Variants in HPGD observed in about 807,000 individuals in gnomAD.
The protein encoded by HPGD is 15-hydroxyprostaglandin dehydrogenase.
Under a neutral mutation model 30.0 loss-of-function variants are expected in HPGD, and 29 were observed. The observed-to-expected ratio is 0.97, with a 90% CI of 0.72 to 1.32. The LOEUF (loss-of-function observed/expected upper bound fraction) is 1.32. HPGD is among the 40% of genes most tolerant of loss of function. The pLI, the probability that HPGD is intolerant of heterozygous loss-of-function variation, is 0.00. For synonymous variants in HPGD, 99 were observed against 112.4 expected, an observed-to-expected ratio of 0.88 and a Z score of 0.75; for missense variants, 340 against 322.1, an observed-to-expected ratio of 1.06 and a Z score of -0.43.
chr4:174,513,459 TA>T (rs970827087), intron 3 of HPGD, among the ~76,000 whole-genome samples: 9 of 148,572 alleles, frequency 6.1e-5, no homozygotes, highest in African/African-American at 1.8e-4. Flanking sequence ...ATAAAATGCA[TA>T]TTTTTTTTTT....
At chr4:174,509,521 T>C (rs17294597) in intron 3 of HPGD, among the ~76,000 whole-genome samples, 6,529 of 152,260 alleles carry the variant, frequency 0.043, 210 homozygotes, top group Middle Eastern at 0.068. Flanking sequence ...CTGAGAAATT[T>C]TTTGTTGCTC....
In HPGD at chr4:174,522,032, T is replaced by C. The variant is rs1272831935; in HGVS notation, c.129A>G (p.Val43=). The change falls in exon 2 of 7, where the codon GTA becomes GTG. Residue 43 remains valine, a synonymous_variant. Coordinates refer to ENST00000296522, the MANE Select transcript of HPGD (RefSeq NM_000860.6). The part of the protein sequence containing the change: ...ALVDWNLEAG[V]QCKAALDEQF... ...GCTCATCCAGGGCAGCTTTACACTG[T>C]ACACCTGCTTCAAGATTCCAATCCA... The C allele has an allele frequency of 1.9e-6, 3 of 1,614,188 alleles. No homozygotes were observed. Among genetic ancestry groups the C allele is most frequent in the Non-Finnish European group, 2.5e-6 (3 of 1,180,006 alleles).
intron 3 of HPGD, among the ~76,000 whole-genome samples, chr4:174,510,418 C>A (rs1470465814): frequency 6.6e-6 from 1 of 152,192 alleles, no homozygotes; most frequent in African/African-American, 2.4e-5. Flanking sequence ...TTAGTTTCTG[C>A]AGAAGGCTTC....
At chr4:174,522,248 A>C in intron 1 of HPGD, 111 bp downstream of exon 1, 1 of 1,381,694 alleles carries the variant, frequency 7.2e-7, no homozygotes, top group Non-Finnish European at 1.0e-6. Context: ...GAAGTGGCAA[A>C]GTGGGCACGC....
chr4:174,515,451 G>A (rs940145594), intron 3 of HPGD, among the ~76,000 whole-genome samples: 1 of 152,066 alleles, frequency 6.6e-6, no homozygotes, highest in Non-Finnish European at 1.5e-5. Flanking sequence ...GGATAACCAG[G>A]TAGCCATATG....
intron 3 of HPGD, among the ~76,000 whole-genome samples, chr4:174,511,847 C>A (rs1735519238): frequency 6.6e-6 from 1 of 152,184 alleles, no homozygotes; most frequent in African/African-American, 2.4e-5. Context: ...GGGGTTTCAT[C>A]GTGTTAGCCA....
At chr4:174,521,389 T>G (rs925063454) in intron 2 of HPGD, among the ~76,000 whole-genome samples, 10 of 152,238 alleles carry the variant, frequency 6.6e-5, no homozygotes, top group African/African-American at 2.4e-4. Flanking sequence ...TCTAACATTG[T>G]ATACTTTATT....
intron 4 of HPGD, among the ~76,000 whole-genome samples, chr4:174,500,060 T>C (rs1038347045): frequency 9.2e-5 from 14 of 152,208 alleles, no homozygotes; most frequent in Non-Finnish European, 1.0e-4. Flanking sequence ...GGTTACTTCT[T>C]GTAATATTTC....
chr4:174,506,620 C>T (rs1735203836), intron 4 of HPGD: 1 of 152,158 alleles, frequency 6.6e-6, no homozygotes, highest in Admixed American at 6.5e-5. Flanking sequence ...ATAGAGTTTA[C>T]CTCACAGGGT....
At chr4:174,510,961 C>T (rs1041718259) in intron 3 of HPGD, among the ~76,000 whole-genome samples, 4 of 152,100 alleles carry the variant, frequency 2.6e-5, no homozygotes, top group African/African-American at 7.2e-5. Context: ...GATTTTGATG[C>T]TCTGGAAGGG....
chr4:174,514,460 C>T (rs1735665271), intron 3 of HPGD, among the ~76,000 whole-genome samples: 2 of 152,062 alleles, frequency 1.3e-5, no homozygotes, highest in Admixed American at 1.3e-4. Context: ...AAAATAGAAC[C>T]TTCCTTCTTA....
At chr4:174,502,906 G>A (rs1269123845) in intron 4 of HPGD, among the ~76,000 whole-genome samples, 1 of 152,102 alleles carries the variant, frequency 6.6e-6, no homozygotes, top group Non-Finnish European at 1.5e-5. Context: ...TTCTTAAAGT[G>A]TGGTTCAAGG....
chr4:174,500,439 A>G (rs1269553691), intron 4 of HPGD, among the ~76,000 whole-genome samples: 1 of 152,236 alleles, frequency 6.6e-6, no homozygotes, highest in Non-Finnish European at 1.5e-5. Flanking sequence ...TTGCACAAAA[A>G]TCTGTGTGTG....
chr4:174,507,680 T>G (rs1436107071), intron 4 of HPGD: 1 of 154,996 alleles, frequency 6.5e-6, no homozygotes, highest in Non-Finnish European at 1.4e-5. Context: ...CTTCTTAAAC[T>G]TCACAATTTC....
At chr4:174,514,124 T>A (rs547538062) in intron 3 of HPGD, among the ~76,000 whole-genome samples, 46 of 152,178 alleles carry the variant, frequency 3.0e-4, no homozygotes, top group African/African-American at 1.1e-3. Context: ...AATACTAAAT[T>A]AGGAATTAAA....
At chr4:174,497,883 CTCTCTCTCTCTT>C (rs1233540807) in intron 4 of HPGD, among the ~76,000 whole-genome samples, 1 of 144,316 alleles carries the variant, frequency 6.9e-6, no homozygotes, top group African/African-American at 2.6e-5. Context: ...GCCTCACTTT[CTCTCTCTCTCTT>C]TCTCTCTCTC....
rs1734280953 is a variant in HPGD at position 174,490,241 on chromosome 4, A to G, written c.*1715T>C. The G allele has an allele frequency of 6.6e-6, 1 of 152,346 alleles. No homozygotes were observed. Among genetic ancestry groups the G allele is most frequent in the Non-Finnish European group, 1.5e-5 (1 of 68,034 alleles). 9.4% of individuals were successfully genotyped at this position (152,346 alleles called of 1,614,324 possible). A position where few individuals can be genotyped will look rare whatever the true frequency, so the allele number is the denominator to read the frequency against. ...TATACACCAGAGATGCCATATAACC[A>G]TATGAATTTATTTAGAGCTACCTAT... On this transcript the variant is annotated 3_prime_UTR_variant, in exon 7 of 7. Coordinates refer to ENST00000296522, the MANE Select transcript of HPGD (RefSeq NM_000860.6). The surrounding 1 kb of genome is among the most constrained non-coding windows in gnomAD (Gnocchi z 4.4).
rs1434961897 is a variant in HPGD, at chr4:174,491,597, T to C, written c.*359A>G. The C allele has an allele frequency of 5.0e-6, 1 of 200,436 alleles. No homozygotes were observed. The highest frequency in any genetic ancestry group is 1.0e-5 in the Non-Finnish European group (1 of 96,860). The allele number at this position is 200,436 out of a possible 1,614,324, so 12.4% of individuals were successfully genotyped here. A position where few individuals can be genotyped will look rare whatever the true frequency, so the allele number is the denominator to read the frequency against. ...TGTTTTACATCTGGTTTGATTTAAA[T>C]AACAATTCAAGTATCTCCTTTAAAA... On this transcript the variant is annotated 3_prime_UTR_variant, in exon 7 of 7. Coordinates refer to ENST00000296522, the MANE Select transcript of HPGD (RefSeq NM_000860.6).
At chr4:174,497,272 T>C (rs567279570) in intron 4 of HPGD, among the ~76,000 whole-genome samples, 3 of 152,298 alleles carry the variant, frequency 2.0e-5, no homozygotes, top group East Asian at 1.9e-4. Context: ...GAATTTGAAA[T>C]GAATTTTTGT....
Sources: allele counts gnomAD v4.1 joint callset (sites outside exome capture counted in the v4.1 genomes callset), GRCh38; gene constraint gnomAD v4.1.1; non-coding constraint Gnocchi (gnomAD v3.1); transcripts MANE v1.5; gene names NCBI Gene and HGNC (gene_info 2026-07-23, HGNC 2026-07-21).